DPP10: variants seen among roughly 807,000 people sequenced by gnomAD.
The protein encoded by DPP10 is dipeptidyl peptidase like 10, also known as inactive dipeptidyl peptidase 10.
A neutral mutation model predicts 120.9 loss-of-function variants in DPP10; 33 were observed. The ratio of observed to expected loss-of-function variants is 0.27; its 90% CI spans 0.21 to 0.37. The LOEUF (loss-of-function observed/expected upper bound fraction) is 0.37, where lower values mean the gene tolerates loss of function less well. DPP10 is among the 10% of genes least tolerant of loss of function. The pLI, the probability that DPP10 is intolerant of heterozygous loss-of-function variation, is 1.00. For synonymous variants in DPP10, 337 were observed against 326.1 expected, an observed-to-expected ratio of 1.03 and a Z score of -0.36; for missense variants, 816 against 942.8, an observed-to-expected ratio of 0.87 and a Z score of 1.76.
At chr2:115,815,827 T>C (rs1687165573) in intron 21 of DPP10, 98 bp downstream of exon 21, 1 of 1,229,126 alleles carries the variant, frequency 8.1e-7, no homozygotes, top group South Asian at 1.4e-5. Flanking sequence ...TACAGATAAG[T>C]TCCATATTGA....
chr2:115,310,367 A>C (rs540495701), intron 2 of DPP10, among the ~76,000 whole-genome samples: 152 of 152,310 alleles, frequency 1.0e-3, no homozygotes, highest in Non-Finnish European at 1.8e-3. Context: ...CATTTAGTCA[A>C]ATAATTTTGG....
At chr2:114,571,623 G>T (rs1689654460) in intron 1 of DPP10, among the ~76,000 whole-genome samples, 1 of 151,832 alleles carries the variant, frequency 6.6e-6, no homozygotes, top group African/African-American at 2.4e-5. Context: ...AAAGTGGTAG[G>T]GTACGTCTCT....
intron 1 of DPP10, among the ~76,000 whole-genome samples, chr2:114,800,447 A>G (rs1684093926): frequency 6.6e-6 from 1 of 152,222 alleles, no homozygotes; most frequent in African/African-American, 2.4e-5. Flanking sequence ...AAAAATACAA[A>G]CACTTCACAT....
At chr2:114,985,946 T>A (rs1700368173) in intron 1 of DPP10, among the ~76,000 whole-genome samples, 1 of 152,132 alleles carries the variant, frequency 6.6e-6, no homozygotes, top group African/African-American at 2.4e-5. Context: ...CACTTATGAG[T>A]TTTTAGAATG....
intron 4 of DPP10, among the ~76,000 whole-genome samples, chr2:115,510,087 A>G (rs1045622255): frequency 6.6e-6 from 1 of 152,098 alleles, no homozygotes; most frequent in East Asian, 1.9e-4. Context: ...TTTTTCATAT[A>G]TTATAAATCA....
chr2:114,447,234 A>T (rs1040327911), intron 1 of DPP10, among the ~76,000 whole-genome samples: 3 of 151,858 alleles, frequency 2.0e-5, no homozygotes, highest in Admixed American at 6.6e-5. Flanking sequence ...TGACCTCATT[A>T]TCCACCCCTC....
Position 115,343,981 on chromosome 2 carries a change from G to A in DPP10, c.271+69G>A. ...GTATAATTAAAATTTTAAAAAATGA[G>A]ATGTGTAAGCTGGGCGCAATGGCTT... On this transcript the variant is annotated intron_variant, in intron 3 of 25. Transcript: ENST00000410059. 9.7e-6 allele frequency: 13 copies of A among 1,339,998 alleles called. No homozygotes were observed. The South Asian group carries it at 1.9e-4, about 19-fold the overall frequency. 83.0% of individuals were successfully genotyped at this position (1,339,998 alleles called of 1,614,324 possible). A position where few individuals can be genotyped will look rare whatever the true frequency, so the allele number is the denominator to read the frequency against.
chr2:115,742,932 A>G (rs536279663), intron 9 of DPP10, among the ~76,000 whole-genome samples: 23 of 152,144 alleles, frequency 1.5e-4, no homozygotes, highest in Non-Finnish European at 1.3e-4. Flanking sequence ...AACTCATAAA[A>G]TACCCTATCA....
At chr2:115,340,566 C>A (rs1056681530) in intron 2 of DPP10, among the ~76,000 whole-genome samples, 1 of 151,520 alleles carries the variant, frequency 6.6e-6, no homozygotes, top group Non-Finnish European at 1.5e-5. Flanking sequence ...ATGAAAGATA[C>A]CATGTTTGAA....
intron 8 of DPP10, 43 bp from the exon 9 acceptor site, chr2:115,739,696 C>T (rs769054152): frequency 6.9e-6 from 11 of 1,599,938 alleles, no homozygotes; most frequent in African/African-American, 4.0e-5. Flanking sequence ...TCACTGAGCC[C>T]ACATCTCTAC....
At chr2:115,672,680 C>CTCTTTATTTCTTTCTTTCTT (rs2089983611) in intron 5 of DPP10, among the ~76,000 whole-genome samples, 1 of 113,264 alleles carries the variant, frequency 8.8e-6, no homozygotes. Context: ...CTCTTTCTTT[C>CTCTTTATTTCTTTCTTTCTT]TCTTTCTTTC....
intron 1 of DPP10, among the ~76,000 whole-genome samples, chr2:114,521,766 G>A (rs1434932333): frequency 6.7e-6 from 1 of 149,964 alleles, no homozygotes; most frequent in African/African-American, 2.4e-5. Context: ...CCAGAACACA[G>A]AGGAAAAATT....
rs561203041 is a variant in DPP10 at position 114,611,172 on chromosome 2, A to G, written c.60+168334A>G. On this transcript the variant is annotated intron_variant, in intron 1 of 25. Coordinates refer to ENST00000410059, the MANE Select transcript of DPP10 (RefSeq NM_020868.6). ...GTTCAGGCACCAAGCAGAAATGGGA[A>G]TCGGAGTGCCCCTGCTCTGACAGGC... is the stretch of plus-strand genomic sequence containing the variant. Among the ~76,000 whole-genome samples, 4 of 152,230 alleles carry G rather than the reference A, an allele frequency of 2.6e-5. No individual in the cohort carries two copies. The East Asian group carries it at 7.8e-4, about 30-fold the overall frequency.
rs1699678112 is a variant in DPP10 at position 114,690,664 on chromosome 2, T to G, written c.60+247826T>G. On this transcript the variant is annotated intron_variant, in intron 1 of 25. Coordinates refer to ENST00000410059, the MANE Select transcript of DPP10 (RefSeq NM_020868.6). ...TGGGAAAAGCATTAAATCTATAAATTACTTTGGGTAGTATGTCCATTTTCA... is the reference window on the plus strand; with the variant it reads ...TGGGAAAAGCATTAAATCTATAAATGACTTTGGGTAGTATGTCCATTTTCA... Among the ~76,000 whole-genome samples, 2 of 152,276 alleles carry G rather than the reference T, an allele frequency of 1.3e-5. 1 individual carries two copies. The highest frequency in any genetic ancestry group is 4.1e-4 in the South Asian group (2 of 4,830).
rs547491399 is a variant in DPP10, at chr2:114,555,677, CAAAG to C, written c.60+112843_60+112846del. Among the ~76,000 whole-genome samples the C allele has an allele frequency of 2.4e-3, 367 of 151,684 alleles. 1 individual carries two copies. Among genetic ancestry groups the C allele is most frequent in the Non-Finnish European group, 4.5e-3 (308 of 67,868 alleles). The stretch of plus-strand genomic sequence containing the variant: ...GGAGCCTTCTTTCAGCAAGAAGAGA[CAAAG>C]AAAAAATATTTAAAGTGTAATTTTT... On this transcript the variant is annotated intron_variant, in intron 1 of 25. Transcript: ENST00000410059.
chr2:114,896,572 T>C (rs530838607), intron 1 of DPP10, among the ~76,000 whole-genome samples: 68 of 152,310 alleles, frequency 4.5e-4, no homozygotes, highest in Non-Finnish European at 8.8e-4. Context: ...TTGTGATTTT[T>C]GTACATTGAT....
chr2:115,281,560 G>T (rs987490041), intron 1 of DPP10, among the ~76,000 whole-genome samples: 1 of 152,162 alleles, frequency 6.6e-6, no homozygotes, highest in African/African-American at 2.4e-5. Context: ...GAATATGCCC[G>T]TAGGAGTAAA....
rs1039722504 is a variant in DPP10, at chr2:114,789,460, A to T, written c.60+346622A>T. Among the ~76,000 whole-genome samples the T allele has an allele frequency of 3.3e-5, 5 of 152,280 alleles. 1 individual carries two copies. The Middle Eastern group carries it at 0.017, about 518-fold the overall frequency. On this transcript the variant is annotated intron_variant, in intron 1 of 25. Coordinates refer to ENST00000410059, the MANE Select transcript of DPP10 (RefSeq NM_020868.6). ...AGTGATCAGGAATGGAGAATAAATG[A>T]TTGATTCTAGAACTGTGGAGGAGTT...
chr2:115,147,953 C>A (rs2051322899), intron 1 of DPP10, among the ~76,000 whole-genome samples: 1 of 152,058 alleles, frequency 6.6e-6, no homozygotes, highest in South Asian at 2.1e-4. Flanking sequence ...CAAGACTTGG[C>A]AATTTGAGGA....
Sources: allele counts gnomAD v4.1 joint callset (sites outside exome capture counted in the v4.1 genomes callset), GRCh38; gene constraint gnomAD v4.1.1; transcripts MANE v1.5; gene names NCBI Gene and HGNC (gene_info 2026-07-23, HGNC 2026-07-21).